Variants in RPS6KC1 observed in about 807,000 individuals in gnomAD.
RPS6KC1 encodes the protein inactive ribosomal protein S6 kinase delta-1.
Under a neutral mutation model 103.8 loss-of-function variants are expected in RPS6KC1, and 54 were observed. That is an observed-to-expected ratio of 0.52 (90% CI 0.42 to 0.65). RPS6KC1 has a LOEUF of 0.65. RPS6KC1 is among the 30% of genes least tolerant of loss of function. RPS6KC1 has a pLI of 0.00. For synonymous variants in RPS6KC1, 439 were observed against 438.7 expected (o/e 1.00, Z -0.01); for missense variants, 1,151 against 1,253.8 (o/e 0.92, Z 1.24).
At chr1:213,383,132 G>A in the RPS6KC1 span, among the ~76,000 whole-genome samples, 1 of 152,168 alleles carries the variant, frequency 6.6e-6, no homozygotes, top group Non-Finnish European at 1.5e-5. Context: ...ACCCCCGGCC[G>A]TCCGCTCTGT....
At chr1:213,803,623 G>A in the RPS6KC1 span, among the ~76,000 whole-genome samples, 1 of 152,114 alleles carries the variant, frequency 6.6e-6, no homozygotes, top group South Asian at 2.1e-4. Context: ...GTGGTCCAGA[G>A]ATGGCAGGGT....
chr1:213,298,585 C>G, the RPS6KC1 span, among the ~76,000 whole-genome samples: 2 of 151,918 alleles, frequency 1.3e-5, no homozygotes, highest in Non-Finnish European at 2.9e-5. Context: ...TTTGAGTGAT[C>G]TTTAAATTTT....
chr1:213,518,298 G>A, the RPS6KC1 span, among the ~76,000 whole-genome samples: 1 of 152,172 alleles, frequency 6.6e-6, no homozygotes, highest in East Asian at 1.9e-4. Context: ...AAGTTCTCAA[G>A]ATGAGATCAT....
chr1:213,840,050 G>A, the RPS6KC1 span: 14 of 152,064 alleles, frequency 9.2e-5, no homozygotes, highest in Admixed American at 7.9e-4. Flanking sequence ...AGCAACTCCT[G>A]TTGCCAGCTC....
the RPS6KC1 span, among the ~76,000 whole-genome samples, chr1:213,289,403 A>G: frequency 6.6e-6 from 1 of 152,088 alleles, no homozygotes; most frequent in African/African-American, 2.4e-5. Context: ...ATTGCCTGGC[A>G]TGGTGGGAAA....
At chr1:213,656,957 C>T in the RPS6KC1 span, among the ~76,000 whole-genome samples, 1 of 152,144 alleles carries the variant, frequency 6.6e-6, no homozygotes, top group Non-Finnish European at 1.5e-5. Flanking sequence ...AATTCACTGT[C>T]ACTATCCCAT....
chr1:213,104,311 T>C lies in RPS6KC1; in HGVS notation c.263-143T>C, dbSNP rs2082272852. The C allele has an allele frequency of 2.8e-5, 14 of 495,618 alleles. No homozygotes were observed. In the South Asian group the frequency reaches 4.0e-4, roughly 14 times the overall value. 30.7% of individuals were successfully genotyped at this position (495,618 alleles called of 1,614,324 possible). A position where few individuals can be genotyped will look rare whatever the true frequency, so the allele number is the denominator to read the frequency against. On this transcript the variant is annotated intron_variant, in intron 3 of 14. Transcript: ENST00000366960. ...TACTGCTGATTCTAATTGTAGAGAT[T>C]AGATTTGACTTCAGAAGTTTGCATA... is the stretch of plus-strand genomic sequence containing the variant.
intron 1 of RPS6KC1, among the ~76,000 whole-genome samples, chr1:213,061,567 C>T (rs1340711521): frequency 6.8e-6 from 1 of 147,880 alleles, no homozygotes; most frequent in Non-Finnish European, 1.5e-5. Context: ...GTGCTTTGAC[C>T]TACTTTTCCT....
At chr1:213,480,074 T>G in the RPS6KC1 span, among the ~76,000 whole-genome samples, 2 of 152,046 alleles carry the variant, frequency 1.3e-5, no homozygotes, top group Non-Finnish European at 2.9e-5. Context: ...TTCTGAAATA[T>G]CTTACTCATT....
the RPS6KC1 span, among the ~76,000 whole-genome samples, chr1:213,475,426 T>C: frequency 6.6e-6 from 1 of 152,182 alleles, no homozygotes; most frequent in Non-Finnish European, 1.5e-5. Flanking sequence ...CATCTATAGC[T>C]TGGGTGCGTG....
intron 7 of RPS6KC1, 68 bp downstream of exon 7, chr1:213,168,041 T>C (rs2091152316): frequency 1.1e-6 from 1 of 928,590 alleles, no homozygotes; most frequent in African/African-American, 1.7e-5. Flanking sequence ...CTGCTTTATT[T>C]CTAATTAGAA....
At chr1:213,238,339 A>G (rs1390536554) in intron 10 of RPS6KC1, among the ~76,000 whole-genome samples, 2 of 152,184 alleles carry the variant, frequency 1.3e-5, no homozygotes, top group African/African-American at 4.8e-5. Context: ...AAGTGCAAGC[A>G]TGGTATGGGG....
chr1:213,284,332 A>G, the RPS6KC1 span, among the ~76,000 whole-genome samples: 3 of 152,202 alleles, frequency 2.0e-5, no homozygotes, highest in Non-Finnish European at 4.4e-5. Flanking sequence ...CCTGGCCAAC[A>G]TGGCGAAACC....
intron 7 of RPS6KC1, among the ~76,000 whole-genome samples, chr1:213,170,987 GTTGA>G (rs746769794): frequency 5.3e-5 from 8 of 152,056 alleles, no homozygotes; most frequent in Admixed American, 2.0e-4. Context: ...TTCTAGCCTG[GTTGA>G]TTAAGACAAT....
chr1:213,418,478 G>A, the RPS6KC1 span, among the ~76,000 whole-genome samples: 6 of 152,124 alleles, frequency 3.9e-5, no homozygotes, highest in African/African-American at 9.7e-5. Flanking sequence ...GCACTGGGCG[G>A]CAGCTGACTC....
chr1:213,481,222 T>C, the RPS6KC1 span, among the ~76,000 whole-genome samples: 1 of 152,174 alleles, frequency 6.6e-6, no homozygotes, highest in Non-Finnish European at 1.5e-5. Flanking sequence ...GTAAAACTAG[T>C]TTATGTGATG....
At chr1:213,489,624 C>T in the RPS6KC1 span, among the ~76,000 whole-genome samples, 3 of 152,130 alleles carry the variant, frequency 2.0e-5, no homozygotes, top group Non-Finnish European at 4.4e-5. Flanking sequence ...AATATTACAC[C>T]ACAGTCTGCT....
At chr1:213,277,905 G>C (rs569465859), downstream of RPS6KC1, among the ~76,000 whole-genome samples, 1 of 152,272 alleles carries the variant, frequency 6.6e-6, no homozygotes, top group East Asian at 1.9e-4. Context: ...CAACTCTGTT[G>C]ATCAAATTCT....
At chr1:213,310,200 T>C in the RPS6KC1 span, among the ~76,000 whole-genome samples, 3 of 152,206 alleles carry the variant, frequency 2.0e-5, no homozygotes, top group South Asian at 4.1e-4. Context: ...ACAGCAGTCA[T>C]AGTGACCCTT....
Sources: allele counts gnomAD v4.1 joint callset (sites outside exome capture counted in the v4.1 genomes callset), GRCh38; gene constraint gnomAD v4.1.1; transcripts MANE v1.5; gene names NCBI Gene and HGNC (gene_info 2026-07-23, HGNC 2026-07-21).